VDAC1: variants seen among roughly 807,000 people sequenced by gnomAD.
VDAC1 encodes the protein voltage dependent anion channel 1.
VDAC1 carries 10 observed loss-of-function variants against 34.7 expected under a neutral mutation model. That is an observed-to-expected ratio of 0.29 (90% CI 0.18 to 0.49). VDAC1 has a LOEUF of 0.49. VDAC1 is among the 20% of genes least tolerant of loss of function. VDAC1 has a pLI of 0.99. For missense variants in VDAC1, 230 were observed against 347.9 expected (o/e 0.66, Z 2.69); for synonymous variants, 130 against 136.0 (o/e 0.96, Z 0.30).
the VDAC1 span, among the ~76,000 whole-genome samples, chr5:134,098,109 G>A: frequency 2.6e-5 from 4 of 151,884 alleles, no homozygotes; most frequent in Non-Finnish European, 5.9e-5. Flanking sequence ...GACCTCAGGG[G>A]ATCCACTAGC....
chr5:134,017,323 G>T, the VDAC1 span, among the ~76,000 whole-genome samples: 4 of 152,198 alleles, frequency 2.6e-5, no homozygotes, highest in South Asian at 4.2e-4. Context: ...AAAATTAGCC[G>T]GGCGTAGTGG....
the VDAC1 span, among the ~76,000 whole-genome samples, chr5:134,031,290 T>C: frequency 6.6e-6 from 1 of 152,032 alleles, no homozygotes; most frequent in African/African-American, 2.4e-5. Context: ...GGATTAAATT[T>C]ACTTAGTTAA....
the VDAC1 span, among the ~76,000 whole-genome samples, chr5:134,101,241 T>A: frequency 2.0e-5 from 3 of 152,172 alleles, no homozygotes; most frequent in Non-Finnish European, 4.4e-5. Context: ...CCTTGGGCAC[T>A]TCCTTTCTCC....
chr5:134,026,178 G>C, the VDAC1 span, among the ~76,000 whole-genome samples: 1 of 152,296 alleles, frequency 6.6e-6, no homozygotes, highest in Admixed American at 6.5e-5. Context: ...GGAAAAGGGA[G>C]AGGGAAATAA....
chr5:133,975,826 G>A, intron 7 of VDAC1, 45 bp downstream of exon 7: 2 of 1,606,530 alleles, frequency 1.2e-6, no homozygotes, highest in South Asian at 2.2e-5. Flanking sequence ...AACATAAAGA[G>A]CAGATGGGCC....
rs368129355 is a variant in VDAC1 at position 133,980,282 on chromosome 5, T to A, written c.551+447A>T. On this transcript the variant is annotated intron_variant, in intron 6 of 8. Coordinates refer to ENST00000265333, the MANE Select transcript of VDAC1 (RefSeq NM_003374.3). ...ATAGTTACTTTTACATGCTTCACTG[T>A]ACAGAGAAGATAGTTTGTAACTGAG... Among the ~76,000 whole-genome samples the A allele has an allele frequency of 3.3e-5, 5 of 152,360 alleles. No homozygotes were observed. In the East Asian group the frequency reaches 9.6e-4, roughly 29 times the overall value.
chr5:134,075,862 C>T, the VDAC1 span, among the ~76,000 whole-genome samples: 2 of 151,510 alleles, frequency 1.3e-5, no homozygotes, highest in Admixed American at 6.6e-5. Flanking sequence ...TGGGATTACA[C>T]GCGTGAGCCA....
chr5:133,974,347 G>A (rs368538132), intron 7 of VDAC1, among the ~76,000 whole-genome samples: 16 of 152,210 alleles, frequency 1.1e-4, no homozygotes, highest in African/African-American at 3.6e-4. Flanking sequence ...TGCAAAAACT[G>A]TGTAGTAGTT....
At chr5:134,075,994 T>C in the VDAC1 span, among the ~76,000 whole-genome samples, 1 of 152,084 alleles carries the variant, frequency 6.6e-6, no homozygotes, top group Non-Finnish European at 1.5e-5. Flanking sequence ...TGTTTTTTTG[T>C]TTTTGAGATG....
At chr5:134,070,124 C>T in the VDAC1 span, among the ~76,000 whole-genome samples, 36 of 151,946 alleles carry the variant, frequency 2.4e-4, no homozygotes, top group Non-Finnish European at 4.6e-4. Flanking sequence ...TGTGAAGTAG[C>T]CATTCTTTTA....
the VDAC1 span, among the ~76,000 whole-genome samples, chr5:134,046,525 T>C: frequency 2.6e-5 from 4 of 152,296 alleles, no homozygotes; most frequent in South Asian, 8.3e-4. Context: ...CGTTTTGCCA[T>C]ATAAGGTAAC....
At chr5:134,003,181 C>A (rs1753626944) in intron 1 of VDAC1, among the ~76,000 whole-genome samples, 1 of 152,202 alleles carries the variant, frequency 6.6e-6, no homozygotes, top group African/African-American at 2.4e-5. Flanking sequence ...CAGGCAGCAC[C>A]ACCCCAGGCA....
chr5:133,998,521 C>T (rs191132218), intron 1 of VDAC1, among the ~76,000 whole-genome samples: 69 of 152,162 alleles, frequency 4.5e-4, no homozygotes, highest in Non-Finnish European at 8.1e-4. Flanking sequence ...GGTGACAGAG[C>T]GAGAGACTCC....
chr5:134,003,563 G>C (rs1753642125), intron 1 of VDAC1, among the ~76,000 whole-genome samples: 1 of 152,194 alleles, frequency 6.6e-6, no homozygotes, highest in East Asian at 1.9e-4. Flanking sequence ...GTCAATAATA[G>C]TGAAAGAATG....
chr5:134,108,968 T>A, the VDAC1 span, among the ~76,000 whole-genome samples: 1 of 152,324 alleles, frequency 6.6e-6, no homozygotes. Context: ...TGCCATGTTG[T>A]GTGCCATGAC....
At chr5:134,013,925 G>C in the VDAC1 span, among the ~76,000 whole-genome samples, 1 of 151,692 alleles carries the variant, frequency 6.6e-6, no homozygotes, top group Non-Finnish European at 1.5e-5. Flanking sequence ...CTGGGTGACA[G>C]AGTGAGACTC....
At chr5:133,981,751 G>A (rs949991127) in intron 5 of VDAC1, among the ~76,000 whole-genome samples, 2 of 152,152 alleles carry the variant, frequency 1.3e-5, no homozygotes, top group African/African-American at 4.8e-5. Flanking sequence ...GTACACACTG[G>A]AGAACAAGAT....
chr5:133,994,047 ATACC>A (rs1257491975), intron 1 of VDAC1, among the ~76,000 whole-genome samples: 1 of 152,242 alleles, frequency 6.6e-6, no homozygotes, highest in Non-Finnish European at 1.5e-5. Context: ...AAAATACAGT[ATACC>A]TAAATTATCA....
the VDAC1 span, among the ~76,000 whole-genome samples, chr5:134,095,255 G>T: frequency 6.6e-6 from 1 of 152,118 alleles, no homozygotes; most frequent in Non-Finnish European, 1.5e-5. Flanking sequence ...GCTGAGGCAG[G>T]AGGCTCATCT....
Sources: gnomAD v4.1 joint callset for allele counts (sites outside exome capture counted in the v4.1 genomes callset) on GRCh38, gnomAD v4.1.1 for gene constraint, MANE v1.5 for transcripts, NCBI Gene and HGNC (gene_info 2026-07-23, HGNC 2026-07-21) for gene names.